The following TAFA1 variants were observed in gnomAD, a reference collection of about 807,000 sequenced individuals.
TAFA1 encodes the protein chemokine-like protein TAFA-1.
Under a neutral mutation model 18.5 loss-of-function variants are expected in TAFA1, and 4 were observed. The ratio of observed to expected loss-of-function variants is 0.22; its 90% CI spans 0.11 to 0.49. The LOEUF (loss-of-function observed/expected upper bound fraction) is 0.49, where lower values mean the gene tolerates loss of function less well. Among genes scored for constraint, TAFA1 ranks in the 20% least tolerant of loss-of-function variants. The probability of loss-of-function intolerance (pLI) is 0.98; values close to 1 mark genes in which losing one functional copy is unlikely to be tolerated. For missense variants in TAFA1, 147 were observed against 169.0 expected, an observed-to-expected ratio of 0.87 and a Z score of 0.72; for synonymous variants, 56 against 55.2, an observed-to-expected ratio of 1.01 and a Z score of -0.06.
chr3:68,147,518 T>C (rs1356899735), intron 2 of TAFA1, among the ~76,000 whole-genome samples: 3 of 152,076 alleles, frequency 2.0e-5, no homozygotes, highest in African/African-American at 7.2e-5. Context: ...TTAAGCTCGC[T>C]TTCCTGAGCC....
At chr3:68,046,500 T>C (rs1052219821) in intron 2 of TAFA1, among the ~76,000 whole-genome samples, 1 of 152,232 alleles carries the variant, frequency 6.6e-6, no homozygotes, top group Non-Finnish European at 1.5e-5. Flanking sequence ...AATGTTTGGC[T>C]GTAAGAATCC....
At chr3:68,184,176 G>C (rs529772579) in intron 2 of TAFA1, among the ~76,000 whole-genome samples, 1 of 152,198 alleles carries the variant, frequency 6.6e-6, no homozygotes, top group African/African-American at 2.4e-5. Context: ...GAAATTTTCT[G>C]CGAATTTCCG....
At chr3:68,533,310 A>T (rs1412483251) in intron 3 of TAFA1, among the ~76,000 whole-genome samples, 1 of 152,150 alleles carries the variant, frequency 6.6e-6, no homozygotes, top group Non-Finnish European at 1.5e-5. Context: ...AGAAAGAATG[A>T]GAATCAAGCA....
intron 3 of TAFA1, among the ~76,000 whole-genome samples, chr3:68,432,046 G>A (rs988733850): frequency 7.2e-5 from 11 of 151,858 alleles, no homozygotes; most frequent in Admixed American, 3.3e-4. Context: ...TTTGGTCAGG[G>A]GTTAATATTA....
intron 2 of TAFA1, among the ~76,000 whole-genome samples, chr3:68,253,624 C>A (rs563022411): frequency 1.1e-4 from 17 of 152,246 alleles, no homozygotes; most frequent in African/African-American, 4.1e-4. Context: ...TGATGCATGG[C>A]AGGTGATGAT....
chr3:68,022,483 T>TG (rs1029935376), intron 2 of TAFA1, among the ~76,000 whole-genome samples: 6 of 151,864 alleles, frequency 4.0e-5, no homozygotes, highest in African/African-American at 1.4e-4. Context: ...GGGCTGTTGG[T>TG]GGGGGGAAGG....
intron 2 of TAFA1, among the ~76,000 whole-genome samples, chr3:68,283,544 C>T (rs149843572): frequency 3.3e-4 from 51 of 152,266 alleles, no homozygotes; most frequent in Middle Eastern, 6.8e-3. Context: ...TGAGCATTTG[C>T]AGTGAGCGCT....
intron 2 of TAFA1, among the ~76,000 whole-genome samples, chr3:68,322,061 A>G (rs2068703928): frequency 6.6e-6 from 1 of 152,208 alleles, no homozygotes; most frequent in African/African-American, 2.4e-5. Context: ...ATACAAAAGA[A>G]TTTTACATAC....
chr3:68,438,227 A>G (rs549788067), intron 3 of TAFA1, among the ~76,000 whole-genome samples: 1 of 152,208 alleles, frequency 6.6e-6, no homozygotes, highest in Non-Finnish European at 1.5e-5. Context: ...GTCTGGTGGC[A>G]CATGTCAATA....
intron 3 of TAFA1, among the ~76,000 whole-genome samples, chr3:68,524,581 C>T (rs1375501488): frequency 6.6e-6 from 1 of 152,154 alleles, no homozygotes; most frequent in East Asian, 1.9e-4. Context: ...AGGTTTTAAG[C>T]TACCACAAGA....
intron 2 of TAFA1, among the ~76,000 whole-genome samples, chr3:68,371,392 A>G (rs1334341542): frequency 6.6e-6 from 1 of 151,530 alleles, no homozygotes; most frequent in Non-Finnish European, 1.5e-5. Flanking sequence ...CCAACCCCCA[A>G]CGGGCCCCAG....
At chr3:68,153,496 T>G (rs1265668425) in intron 2 of TAFA1, among the ~76,000 whole-genome samples, 1 of 152,164 alleles carries the variant, frequency 6.6e-6, no homozygotes, top group Non-Finnish European at 1.5e-5. Context: ...GAAATGAGGA[T>G]GTTTCTGAGC....
At chr3:68,282,558 G>A (rs2067918674) in intron 2 of TAFA1, among the ~76,000 whole-genome samples, 1 of 152,204 alleles carries the variant, frequency 6.6e-6, no homozygotes, top group South Asian at 2.1e-4. Context: ...TCCCTTGAAT[G>A]TGAGACAAGG....
At chr3:68,206,622 C>T (rs2066529374) in intron 2 of TAFA1, among the ~76,000 whole-genome samples, 1 of 151,848 alleles carries the variant, frequency 6.6e-6, no homozygotes, top group Admixed American at 6.6e-5. Context: ...TCAATGTCAC[C>T]ATAAATTACA....
At chr3:68,515,313 G>C (rs1030764300) in intron 3 of TAFA1, among the ~76,000 whole-genome samples, 3 of 152,186 alleles carry the variant, frequency 2.0e-5, no homozygotes, top group African/African-American at 7.2e-5. Flanking sequence ...CAAGTAACTA[G>C]AGCCAGCCCA....
chr3:68,336,957 C>T (rs1229754702), intron 2 of TAFA1, among the ~76,000 whole-genome samples: 15 of 152,056 alleles, frequency 9.9e-5, no homozygotes, highest in South Asian at 4.2e-4. Flanking sequence ...CTCCTGACCT[C>T]GGTAATCCGC....
At chr3:68,435,747 G>T (rs1477622995) in intron 3 of TAFA1, among the ~76,000 whole-genome samples, 1 of 152,184 alleles carries the variant, frequency 6.6e-6, no homozygotes, top group Non-Finnish European at 1.5e-5. Context: ...CATGCTTTTG[G>T]TTTTGCATCA....
intron 3 of TAFA1, among the ~76,000 whole-genome samples, chr3:68,436,634 A>AG (rs1370252798): frequency 1.3e-5 from 2 of 152,168 alleles, no homozygotes; most frequent in East Asian, 3.9e-4. Context: ...TAAGACCAGC[A>AG]GGTGTATATT....
intron 2 of TAFA1, among the ~76,000 whole-genome samples, chr3:68,094,619 T>A (rs571215558): frequency 2.6e-5 from 4 of 152,290 alleles, no homozygotes; most frequent in Admixed American, 1.3e-4. Context: ...GGAACAGACA[T>A]ACTGAGCCAG....
Sources: gnomAD v4.1 joint callset for allele counts (sites outside exome capture counted in the v4.1 genomes callset) on GRCh38, gnomAD v4.1.1 for gene constraint, MANE v1.5 for transcripts, NCBI Gene and HGNC (gene_info 2026-07-23, HGNC 2026-07-21) for gene names.